The following TRIM62 variants were observed in gnomAD, a reference collection of about 807,000 sequenced individuals.
TRIM62 encodes E3 ubiquitin-protein ligase TRIM62.
Under a neutral mutation model 44.2 loss-of-function variants are expected in TRIM62, and 39 were observed. The ratio of observed to expected loss-of-function variants is 0.88; its 90% CI spans 0.68 to 1.15. The LOEUF (loss-of-function observed/expected upper bound fraction) is 1.15. Among genes scored for constraint, TRIM62 ranks in the 50% most tolerant of loss-of-function variants. TRIM62 has a pLI of 0.00. For missense variants in TRIM62, 544 were observed against 665.5 expected (o/e 0.82, Z 2.01); for synonymous variants, 278 against 292.3 (o/e 0.95, Z 0.50).
chr1:33,180,899 C>A lies in TRIM62; in HGVS notation c.408+126G>T, dbSNP rs1400300284. 45 of 430,136 alleles carry A rather than the reference C, an allele frequency of 1.0e-4. No homozygotes were observed. The Admixed American group carries it at 1.9e-3, about 18-fold the overall frequency. The allele number at this position is 430,136 out of a possible 1,614,324, so 26.6% of individuals were successfully genotyped here. On this transcript the variant is annotated intron_variant, in intron 1 of 4. Coordinates refer to ENST00000291416, the MANE Select transcript of TRIM62 (RefSeq NM_018207.3). ...TACTCCTGATAGGGCCCTGACCTTG[C>A]TGGCGGCCCCGCCCCAGGACCATTC...
At chr1:33,176,652 C>T in intron 1 of TRIM62, 3 of 433,490 alleles carry the variant, frequency 6.9e-6, no homozygotes, top group Non-Finnish European at 4.2e-6. Context: ...CCTGTCAATA[C>T]AGGACAGGCA....
In TRIM62 at chr1:33,158,245, T is replaced by C; in HGVS notation, c.877+8A>G. On this transcript the variant is annotated splice_region_variant and intron_variant, in intron 4 of 4. Transcript: ENST00000291416. ...CCTAGCTCTGGACCATGATAACCCA[T>C]GCCTTACCTGGGTGGATGTCCTGGA... The C allele has an allele frequency of 1.5e-5, 24 of 1,610,426 alleles. No individual in the cohort carries two copies. The highest frequency in any genetic ancestry group is 2.0e-5 in the Non-Finnish European group (24 of 1,176,680).
At chr1:33,179,074 C>T (rs1305704478) in intron 1 of TRIM62, among the ~76,000 whole-genome samples, 4 of 152,244 alleles carry the variant, frequency 2.6e-5, no homozygotes, top group Admixed American at 6.5e-5. Context: ...ATAACTTCTC[C>T]AGGCCTCACT....
chr1:33,177,733 A>G lies in TRIM62; in HGVS notation c.408+3292T>C, dbSNP rs991645513. Reference sequence around the variant, plus strand: ...GGCCAGGAATGCTACCAGACTTCCTATAACACACAAGATGGCCCTGCACAA... The same window carrying G: ...GGCCAGGAATGCTACCAGACTTCCTGTAACACACAAGATGGCCCTGCACAA... On this transcript the variant is annotated intron_variant, in intron 1 of 4. Transcript: ENST00000291416. This position sits in a 1 kb window ranked among gnomAD's most constrained non-coding sequence, Gnocchi z 4.1. Among the ~76,000 whole-genome samples the G allele has an allele frequency of 6.6e-6, 1 of 152,188 alleles. No individual in the cohort carries two copies.
In TRIM62 at chr1:33,177,889, A is replaced by G. The variant is rs1223791183; in HGVS notation, c.408+3136T>C. On this transcript the variant is annotated intron_variant, in intron 1 of 4. Transcript: ENST00000291416. This position sits in a 1 kb window ranked among gnomAD's most constrained non-coding sequence, Gnocchi z 4.1. Reference sequence around the variant, plus strand: ...AAACATCATCTTGTTTAATCCTAATATAATTACTTCCATGCTGTCCATGAA... The same window carrying G: ...AAACATCATCTTGTTTAATCCTAATGTAATTACTTCCATGCTGTCCATGAA... 6.6e-6 allele frequency among the ~76,000 whole-genome samples: 1 copy of G among 152,222 alleles called. No homozygotes were observed. The highest frequency in any genetic ancestry group is 1.5e-5 in the Non-Finnish European group (1 of 68,042).
In TRIM62 at chr1:33,149,457, T is replaced by TAA. The variant is rs145413592; in HGVS notation, c.878-1731_878-1730insTT. On this transcript the variant is annotated intron_variant, in intron 4 of 4. Coordinates refer to ENST00000291416, the MANE Select transcript of TRIM62 (RefSeq NM_018207.3). Reference sequence around the variant, plus strand: ...GCATGAGCCACTGTGCTGGATTCTTTTAAAAAAAAAAAATACAGACAGGGT... The same window carrying TAA: ...GCATGAGCCACTGTGCTGGATTCTTTAATAAAAAAAAAAAATACAGACAGGGT... 4.3e-4 allele frequency among the ~76,000 whole-genome samples: 65 copies of TAA among 149,684 alleles called. No homozygotes were observed. In the East Asian group the frequency reaches 4.8e-3, roughly 11 times the overall value.
chr1:33,176,182 A>G (rs994522694), intron 1 of TRIM62, among the ~76,000 whole-genome samples: 2 of 152,256 alleles, frequency 1.3e-5, no homozygotes, highest in Non-Finnish European at 1.5e-5. Flanking sequence ...ATGCTACAAA[A>G]TAAAGTGCCT....
rs1397432114 is a variant in TRIM62 at position 33,161,931 on chromosome 1, C to G, written c.505-1987G>C. Among the ~76,000 whole-genome samples, 1 of 152,196 alleles carries G rather than the reference C, an allele frequency of 6.6e-6. No homozygotes were observed. Among genetic ancestry groups the G allele is most frequent in the East Asian group, 1.9e-4 (1 of 5,196 alleles). On this transcript the variant is annotated intron_variant, in intron 2 of 4. Coordinates refer to ENST00000291416, the MANE Select transcript of TRIM62 (RefSeq NM_018207.3). The surrounding 1 kb of genome is among the most constrained non-coding windows in gnomAD (Gnocchi z 4.3). ...CGCCTTCCATCCTCACCCTGAACAC[C>G]TGCCCCCATTTTCAACTTGAACTGC...
chr1:33,172,379 G>A (rs1051992997), intron 1 of TRIM62, among the ~76,000 whole-genome samples: 3 of 152,122 alleles, frequency 2.0e-5, no homozygotes, highest in Non-Finnish European at 2.9e-5. Context: ...CCACCCTCAC[G>A]TGTGCAGGAA....
Position 33,159,881 on chromosome 1 carries a change from G to T in TRIM62, c.568C>A (p.Arg190Ser). The change falls in exon 3 of 5, where the codon CGT becomes AGT. Residue 190 changes from arginine to serine, a missense_variant. Arg to Ser is a moderately radical substitution (Grantham distance 110, BLOSUM62 -1). Coordinates refer to ENST00000291416, the MANE Select transcript of TRIM62 (RefSeq NM_018207.3). This position sits in a 1 kb window ranked among gnomAD's most constrained non-coding sequence, Gnocchi z 4.2. Reference protein sequence around the residue: ...EAFERLHRLLRERQKAMLEEL... With the variant: ...EAFERLHRLLSERQKAMLEEL... Reference sequence around the variant, plus strand: ...TCTAGCATGGCCTTCTGGCGTTCACGCAGCAGCCGGTGCAGCCGCTCGAAG... The same window carrying T: ...TCTAGCATGGCCTTCTGGCGTTCACTCAGCAGCCGGTGCAGCCGCTCGAAG... The T allele has an allele frequency of 6.2e-7, 1 of 1,611,672 alleles. No individual in the cohort carries two copies.
chr1:33,149,817 A>G (rs1645072171), intron 4 of TRIM62, among the ~76,000 whole-genome samples: 1 of 151,974 alleles, frequency 6.6e-6, no homozygotes, highest in South Asian at 2.1e-4. Context: ...CTGTGATCAC[A>G]TTTTGCCCTA....
intron 4 of TRIM62, among the ~76,000 whole-genome samples, chr1:33,153,096 A>T (rs1162788968): frequency 6.6e-6 from 1 of 152,048 alleles, no homozygotes; most frequent in Non-Finnish European, 1.5e-5. Flanking sequence ...CAGGTGCTGG[A>T]TGGGGTTCTC....
chr1:33,168,832 C>T (rs1195537981), intron 1 of TRIM62, among the ~76,000 whole-genome samples: 1 of 152,170 alleles, frequency 6.6e-6, no homozygotes, highest in Non-Finnish European at 1.5e-5. Context: ...CTACAATTCT[C>T]CCCCTGGTGG....
At chr1:33,149,986 T>C (rs1469120896) in intron 4 of TRIM62, among the ~76,000 whole-genome samples, 2 of 152,214 alleles carry the variant, frequency 1.3e-5, no homozygotes, top group East Asian at 1.9e-4. Context: ...TGGCATGGGC[T>C]GCATCACCTG....
Position 33,161,370 on chromosome 1 carries a change from T to C in TRIM62, c.505-1426A>G, listed in dbSNP as rs900286316. On this transcript the variant is annotated intron_variant, in intron 2 of 4. Transcript: ENST00000291416. This position sits in a 1 kb window ranked among gnomAD's most constrained non-coding sequence, Gnocchi z 4.3. Reference sequence around the variant, plus strand: ...AGTGCGGCCAGGCTGCAGCAGCATGTGGGGCCTGCCTCTGCAATTTTACTT... The same window carrying C: ...AGTGCGGCCAGGCTGCAGCAGCATGCGGGGCCTGCCTCTGCAATTTTACTT... 6.6e-6 allele frequency among the ~76,000 whole-genome samples: 1 copy of C among 151,972 alleles called. No individual in the cohort carries two copies. The highest frequency in any genetic ancestry group is 6.6e-5 in the Admixed American group (1 of 15,262).
At chr1:33,174,643 A>C (rs1038943677) in intron 1 of TRIM62, among the ~76,000 whole-genome samples, 2 of 152,188 alleles carry the variant, frequency 1.3e-5, no homozygotes, top group South Asian at 2.1e-4. Flanking sequence ...TCCGTGGAAC[A>C]ATCTGCACCA....
chr1:33,157,755 T>G (rs1645200516), intron 4 of TRIM62, among the ~76,000 whole-genome samples: 1 of 152,010 alleles, frequency 6.6e-6, no homozygotes, highest in Non-Finnish European at 1.5e-5. Flanking sequence ...CATGTTTTTT[T>G]TTTTTCTTCC....
rs966425324 is a variant in TRIM62 at position 33,147,189 on chromosome 1, G to A, written c.1416C>T (p.Thr472=). 11 of 1,613,506 alleles carry A rather than the reference G, an allele frequency of 6.8e-6. No homozygotes were observed. The highest frequency in any genetic ancestry group is 2.2e-5 in the East Asian group (1 of 44,900). ...GKNVQPLRIN[T]VRI The stretch of plus-strand genomic sequence containing the variant: ...CCTTCTGCCTGGACTAGATGCGGAC[G>A]GTGTTGATCCGCAGCGGCTGAACGT... Residue 472 remains threonine (T), a synonymous_variant, in exon 5 of 5, where the codon ACC becomes ACT. Coordinates refer to ENST00000291416, the MANE Select transcript of TRIM62 (RefSeq NM_018207.3). The surrounding 1 kb of genome is among the most constrained non-coding windows in gnomAD (Gnocchi z 8.1).
intron 1 of TRIM62, chr1:33,176,513 T>C: frequency 1.5e-6 from 1 of 665,018 alleles, no homozygotes; most frequent in Non-Finnish European, 2.8e-6. Context: ...CGGCTGAGAC[T>C]GAATCGGATC....
Sources: allele counts gnomAD v4.1 joint callset (sites outside exome capture counted in the v4.1 genomes callset), GRCh38; gene constraint gnomAD v4.1.1; non-coding constraint Gnocchi (gnomAD v3.1); transcripts MANE v1.5; gene names NCBI Gene and HGNC (gene_info 2026-07-23, HGNC 2026-07-21).